Variants in TMEM247 observed in about 807,000 individuals in gnomAD.
TMEM247 encodes the protein transmembrane protein 247, also known as transmembrane protein ENSP00000343375.
Under a neutral mutation model 20.7 loss-of-function variants are expected in TMEM247, and 23 were observed. That is an observed-to-expected ratio of 1.11 (90% CI 0.80 to 1.57). The LOEUF (loss-of-function observed/expected upper bound fraction) is 1.57. Among genes scored for constraint, TMEM247 ranks in the 40% most tolerant of loss-of-function variants. The probability of loss-of-function intolerance (pLI) is 0.00; values close to 1 mark genes in which losing one functional copy is unlikely to be tolerated. For synonymous variants in TMEM247, 106 were observed against 111.9 expected, an observed-to-expected ratio of 0.95 and a Z score of 0.33; for missense variants, 354 against 283.8, an observed-to-expected ratio of 1.25 and a Z score of -1.78.
chr2:46,481,475 TAAAGTCAG>T (rs1219764973), intron 2 of TMEM247, among the ~76,000 whole-genome samples: 1 of 152,232 alleles, frequency 6.6e-6, no homozygotes, highest in Non-Finnish European at 1.5e-5. Flanking sequence ...TCCTGCACTT[TAAAGTCAG>T]AAAGTCCTGG....
chr2:46,480,055 A>T (rs1164864986), intron 1 of TMEM247, among the ~76,000 whole-genome samples: 1 of 152,062 alleles, frequency 6.6e-6, no homozygotes, highest in East Asian at 1.9e-4. Flanking sequence ...CTTCCTGAAG[A>T]CCTGGCATCT....
exon 2 of TMEM247, chr2:46,480,667 G>A (rs1052423): frequency 4.3e-5 from 66 of 1,551,176 alleles, no homozygotes; most frequent in African/African-American, 2.2e-4. Context: ...AAGAACCAGC[G>A]GCAGCGGCAG....
intron 2 of TMEM247, among the ~76,000 whole-genome samples, chr2:46,482,281 G>A (rs2103783937): frequency 6.6e-6 from 1 of 152,226 alleles, no homozygotes; most frequent in Non-Finnish European, 1.5e-5. Context: ...GAAAACATTT[G>A]CCTATTGCTT....
chr2:46,482,744 C>T (rs1292073448), intron 2 of TMEM247, among the ~76,000 whole-genome samples: 5 of 152,186 alleles, frequency 3.3e-5, no homozygotes, highest in Non-Finnish European at 7.3e-5. Context: ...GGGTCAGCCC[C>T]GTCCTCCACT....
At chr2:46,479,946 G>C (rs572425392) in intron 1 of TMEM247, among the ~76,000 whole-genome samples, 76 of 152,216 alleles carry the variant, frequency 5.0e-4, no homozygotes, top group African/African-American at 1.7e-3. Context: ...TTTCCTTGCT[G>C]GGTGGATAGG....
chr2:46,480,223 C>A (rs1328857045), intron 1 of TMEM247, among the ~76,000 whole-genome samples, 182 bp from the exon 2 acceptor site: 1 of 152,166 alleles, frequency 6.6e-6, no homozygotes, highest in African/African-American at 2.4e-5. Flanking sequence ...TTTGCCCTCT[C>A]CTTGACCCGC....
rs1381866497 is a variant in TMEM247 at position 46,479,730 on chromosome 2, CCCGCCTATT to C, written c.117+32_117+40del. On this transcript the variant is annotated intron_variant, in intron 1 of 2. Transcript: ENST00000434431. The stretch of plus-strand genomic sequence containing the variant: ...AAGGGGGCTGCTGTGTCTCACCACC[CCCGCCTATT>C]CCGTCAGGGGGAGCAAGAATACTGT... 7 of 1,463,884 alleles carry C rather than the reference CCCGCCTATT, an allele frequency of 4.8e-6. No individual in the cohort carries two copies. The Admixed American group carries it at 5.9e-5, about 12-fold the overall frequency. The allele number at this position is 1,463,884 out of a possible 1,614,324, so 90.7% of individuals were successfully genotyped here. A position where few individuals can be genotyped will look rare whatever the true frequency, so the allele number is the denominator to read the frequency against.
At chr2:46,480,582 G>A (rs1465192500) in exon 2 of TMEM247, 1 of 1,551,488 alleles carries the variant, frequency 6.4e-7, no homozygotes, top group South Asian at 1.2e-5. Context: ...CCCTGGGACT[G>A]AGCGCAATCC....
exon 2 of TMEM247, chr2:46,480,533 G>C (rs1156521101): frequency 6.4e-7 from 1 of 1,551,760 alleles, no homozygotes. Context: ...CCAAAGGCCA[G>C]GCTGGCGACG....
chr2:46,482,792 C>A (rs138609118), intron 2 of TMEM247, among the ~76,000 whole-genome samples: 24 of 152,340 alleles, frequency 1.6e-4, no homozygotes, highest in Admixed American at 1.2e-3. Flanking sequence ...TGGTCTCCAA[C>A]CTTCCTAGCT....
exon 2 of TMEM247, chr2:46,480,626 C>A (rs566145397): frequency 7.2e-7 from 1 of 1,392,142 alleles, no homozygotes; most frequent in African/African-American, 1.6e-5. Context: ...GCATGGAGTT[C>A]GAGCTCACGC....
exon 2 of TMEM247, chr2:46,480,707 G>T (rs1253596002): frequency 6.4e-7 from 1 of 1,550,664 alleles, no homozygotes; most frequent in Admixed American, 2.0e-5. Flanking sequence ...AGCTGCAGCG[G>T]GAGCGGCAGC....
intron 1 of TMEM247, 45 bp from the exon 2 acceptor site, chr2:46,480,360 C>A: frequency 6.7e-7 from 1 of 1,490,402 alleles, no homozygotes; most frequent in South Asian, 1.3e-5. Context: ...GCAGCCCCAT[C>A]CTGACTCTTC....
intron 2 of TMEM247, among the ~76,000 whole-genome samples, chr2:46,483,409 C>G (rs1397081170): frequency 6.6e-6 from 1 of 152,202 alleles, no homozygotes; most frequent in Non-Finnish European, 1.5e-5. Context: ...GACACCAAAC[C>G]CTGGACTGAA....
chr2:46,480,726 G>A (rs1385751942), exon 2 of TMEM247: 1 of 1,551,512 alleles, frequency 6.4e-7, no homozygotes, highest in Admixed American at 2.0e-5. Flanking sequence ...GCACGAGGTG[G>A]TGATGGAGCA....
At chr2:46,480,405 G>A in exon 2 of TMEM247, 3 of 1,540,182 alleles carry the variant, frequency 1.9e-6, no homozygotes, top group South Asian at 1.2e-5. Flanking sequence ...CCTACGCCAG[G>A]AGGCAGAGTC....
chr2:46,480,079 G>A (rs1686848602), intron 1 of TMEM247, among the ~76,000 whole-genome samples: 1 of 152,148 alleles, frequency 6.6e-6, no homozygotes, highest in African/African-American at 2.4e-5. Context: ...TGACCTCAAA[G>A]TCAGGTAGAG....
intron 1 of TMEM247, 129 bp downstream of exon 1, chr2:46,479,831 T>G (rs2103780971): frequency 3.0e-6 from 2 of 670,558 alleles, no homozygotes; most frequent in South Asian, 3.8e-5. Context: ...CCCAGCCCTG[T>G]AACTGGCACC....
At chr2:46,481,889 A>G (rs1383837943) in intron 2 of TMEM247, among the ~76,000 whole-genome samples, 2 of 152,136 alleles carry the variant, frequency 1.3e-5, no homozygotes, top group South Asian at 4.1e-4. Flanking sequence ...AATACCACTA[A>G]ATGTCTCTGT....
Sources: gnomAD v4.1 joint callset for allele counts (sites outside exome capture counted in the v4.1 genomes callset) on GRCh38, gnomAD v4.1.1 for gene constraint, MANE v1.5 for transcripts, NCBI Gene and HGNC (gene_info 2026-07-23, HGNC 2026-07-21) for gene names.